AIMP2: variants seen among roughly 807,000 people sequenced by gnomAD.
AIMP2 encodes the protein aminoacyl tRNA synthetase complex interacting multifunctional protein 2.
Under a neutral mutation model 23.4 loss-of-function variants are expected in AIMP2, and 20 were observed. The ratio of observed to expected loss-of-function variants is 0.85; its 90% CI spans 0.60 to 1.24. The LOEUF is 1.24. AIMP2 is among the 50% of genes most tolerant of loss of function. The pLI is 0.00. For missense variants in AIMP2, 515 were observed against 414.5 expected, an observed-to-expected ratio of 1.24 and a Z score of -2.10; for synonymous variants, 210 against 170.4, an observed-to-expected ratio of 1.23 and a Z score of -1.81.
Position 6,017,796 on chromosome 7 carries a change from G to T in AIMP2, c.343-18G>T. 6.2e-7 allele frequency: 1 copy of T among 1,607,058 alleles called. No individual in the cohort carries two copies. Among genetic ancestry groups the T allele is most frequent in the African/African-American group, 1.3e-5 (1 of 74,796 alleles). ...CTCCGATGACTGTTATTCGTACATTGTCTTGGTCTTTCCCCAGGATTACGG... is the reference window on the plus strand; with the variant it reads ...CTCCGATGACTGTTATTCGTACATTTTCTTGGTCTTTCCCCAGGATTACGG... On this transcript the variant is annotated intron_variant, in intron 2 of 3. Transcript: ENST00000223029.
chr7:6,009,482 G>A lies in AIMP2; in HGVS notation c.119G>A (p.Gly40Asp), dbSNP rs747245459. The change falls in exon 1 of 4, where the codon GGC (glycine) becomes GAC (aspartate). Residue 40 changes from glycine (G) to aspartate (D), a missense_variant. Coordinates refer to ENST00000223029, the MANE Select transcript of AIMP2 (RefSeq NM_006303.4). ...GGCAGGAGCTACGGCCCAGCGCCGGGCGCTGGCCACGTGCAGGTAGGAGCG... is the reference window on the plus strand; with the variant it reads ...GGCAGGAGCTACGGCCCAGCGCCGGACGCTGGCCACGTGCAGGTAGGAGCG... ...VHGRSYGPAP[G>D]AGHVQEESNL... is the part of the protein sequence containing the mutation. 1 of 1,575,804 alleles carries A rather than the reference G, an allele frequency of 6.3e-7. No homozygotes were observed. Among genetic ancestry groups the A allele is most frequent in the African/African-American group, 1.4e-5 (1 of 72,372 alleles).
At chr7:6,011,725 G>C (rs1276776104) in intron 1 of AIMP2, among the ~76,000 whole-genome samples, 1 of 152,166 alleles carries the variant, frequency 6.6e-6, no homozygotes, top group East Asian at 1.9e-4. Context: ...AGAGAGTGCC[G>C]TGGAAACAGG....
In AIMP2 at chr7:6,009,949, CAAAA is replaced by C. The variant is rs1156596688; in HGVS notation, c.135+474_135+477del. Among the ~76,000 whole-genome samples, 16 of 22,472 alleles carry C rather than the reference CAAAA, an allele frequency of 7.1e-4. 1 individual carries two copies. The highest frequency in any genetic ancestry group is 4.2e-3 in the East Asian group (1 of 240). The allele number at this position is 22,472 out of a possible 152,430, so 14.7% of individuals were successfully genotyped here. On this transcript the variant is annotated intron_variant, in intron 1 of 3. Transcript: ENST00000223029. ...GGGCAACAAGAGCTAAACTCTATCT[CAAAA>C]AAAAAAAAAAAAAAAAAAAAAATAT...
intron 1 of AIMP2, among the ~76,000 whole-genome samples, chr7:6,009,777 C>A (rs1786426848): frequency 6.7e-6 from 1 of 150,202 alleles, no homozygotes; most frequent in Admixed American, 6.7e-5. Context: ...ATGGTAAAAC[C>A]TCGTCTCTAC....
At position 6,023,530 on chromosome 7, in the gene AIMP2, T is replaced by G. The variant is rs1189420601; in HGVS notation, c.802T>G (p.Trp268Gly). Residue 268 changes from tryptophan (W) to glycine (G), a missense_variant, in exon 4 of 4, where the codon TGG (tryptophan) becomes GGG (glycine). Transcript: ENST00000223029. ...SMNSALGKSP[W>G]LAGNELTVAD... ...GAACTCTGCTCTTGGGAAGAGCCCT[T>G]GGCTCGCTGGGAATGAACTCACCGT... 6.2e-7 allele frequency: 1 copy of G among 1,614,226 alleles called. No homozygotes were observed. Among genetic ancestry groups the G allele is most frequent in the Non-Finnish European group, 8.5e-7 (1 of 1,180,040 alleles).
At position 6,015,289 on chromosome 7, in the gene AIMP2, C is replaced by T; in HGVS notation, c.279C>T (p.Ile93=). 6.2e-7 allele frequency: 1 copy of T among 1,614,186 alleles called. No individual in the cohort carries two copies. Residue 93 remains isoleucine, a synonymous_variant, in exon 2 of 4, where the codon ATC becomes ATT. Coordinates refer to ENST00000223029, the MANE Select transcript of AIMP2 (RefSeq NM_006303.4). ...PDADLDVTNI[I]QADEPTTLTT... is the part of the protein sequence containing the mutation. ...CAGACTTGGATGTAACCAACATAAT[C>T]CAAGCGGATGAGCCCACGACTTTAA...
At chr7:6,020,368 C>T (rs1243791166) in intron 3 of AIMP2, among the ~76,000 whole-genome samples, 1 of 152,014 alleles carries the variant, frequency 6.6e-6, no homozygotes, top group Admixed American at 6.6e-5. Context: ...TTGCCGTGAG[C>T]CGAGATCACA....
At chr7:6,013,382 C>T (rs901874556) in intron 1 of AIMP2, among the ~76,000 whole-genome samples, 2 of 151,418 alleles carry the variant, frequency 1.3e-5, no homozygotes, top group Non-Finnish European at 2.9e-5. Context: ...CTGCCTCAGC[C>T]TCCTGAATAG....
At chr7:6,016,059 G>A (rs1001980452) in intron 2 of AIMP2, among the ~76,000 whole-genome samples, 6 of 152,164 alleles carry the variant, frequency 3.9e-5, no homozygotes, top group African/African-American at 1.4e-4. Flanking sequence ...TCTGATCACA[G>A]GCCAACTTTC....
Position 6,017,933 on chromosome 7 carries a change from G to T in AIMP2, c.462G>T (p.Thr154=), listed in dbSNP as rs61735883. ...EHFRVLSTVH[T]HSSVKSVPEN... is the part of the protein sequence containing the mutation. The stretch of plus-strand genomic sequence containing the variant: ...TCAGGGTCCTGTCCACGGTGCACAC[G>T]CACTCCTCGGTCAAGAGCGTGCCTG... Residue 154 remains threonine (T), a synonymous_variant, in exon 3 of 4, where the codon ACG becomes ACT. Coordinates refer to ENST00000223029, the MANE Select transcript of AIMP2 (RefSeq NM_006303.4). 1.5e-3 allele frequency: 2,349 copies of T among 1,613,938 alleles called. 29 individuals carry two copies. In the African/African-American group the frequency reaches 0.028, roughly 20 times the overall value.
intron 1 of AIMP2, among the ~76,000 whole-genome samples, chr7:6,014,230 A>C (rs1247645678): frequency 6.7e-6 from 1 of 148,798 alleles, no homozygotes; most frequent in African/African-American, 2.5e-5. Context: ...GCTTTTAGCC[A>C]CAACTTTTAT....
At chr7:6,020,212 G>A (rs1395589136) in intron 3 of AIMP2, among the ~76,000 whole-genome samples, 2 of 151,504 alleles carry the variant, frequency 1.3e-5, no homozygotes, top group Non-Finnish European at 2.9e-5. Flanking sequence ...CCTGAGATCA[G>A]GAGTTCAAGA....
At chr7:6,009,974 A>AAAATATAT in intron 1 of AIMP2, among the ~76,000 whole-genome samples, 1 of 26,672 alleles carries the variant, frequency 3.7e-5, no homozygotes, top group Non-Finnish European at 6.8e-5. Context: ...AAAAAAAAAA[A>AAAATATAT]ATATATATAT....
chr7:6,023,585 A>G lies in AIMP2; in HGVS notation c.857A>G (p.Gln286Arg), dbSNP rs758885310. ...VADVVLWSVL[Q>R]QIGGCSVTVP... Reference sequence around the variant, plus strand: ...GACGTGGTGCTGTGGTCTGTACTCCAGCAGATCGGAGGCTGCAGTGTGACA... The same window carrying G: ...GACGTGGTGCTGTGGTCTGTACTCCGGCAGATCGGAGGCTGCAGTGTGACA... The change falls in exon 4 of 4, where the codon CAG becomes CGG. Residue 286 changes from glutamine to arginine, a missense_variant. Coordinates refer to ENST00000223029, the MANE Select transcript of AIMP2 (RefSeq NM_006303.4). 4.6e-5 allele frequency: 74 copies of G among 1,614,234 alleles called. 6 individuals carry two copies. In the South Asian group the frequency reaches 7.9e-4, roughly 17 times the overall value.
At chr7:6,012,145 C>A (rs964984109) in intron 1 of AIMP2, among the ~76,000 whole-genome samples, 5 of 151,618 alleles carry the variant, frequency 3.3e-5, no homozygotes, top group Middle Eastern at 3.4e-3. Flanking sequence ...TCCAGCTACT[C>A]AGGAGGCTGA....
At chr7:6,020,081 A>T (rs1225256626) in intron 3 of AIMP2, among the ~76,000 whole-genome samples, 2 of 151,864 alleles carry the variant, frequency 1.3e-5, no homozygotes, top group African/African-American at 4.8e-5. Flanking sequence ...CAGGAGGTGC[A>T]AAAACCTTGC....
chr7:6,023,408 C>T lies in AIMP2; in HGVS notation c.680C>T (p.Ala227Val), dbSNP rs1310790068. The change falls in exon 4 of 4, where the codon GCT (alanine) becomes GTT (valine). Residue 227 changes from alanine to valine, a missense_variant. Physicochemically the swap from Ala to Val is moderately conservative, Grantham distance 64. Coordinates refer to ENST00000223029, the MANE Select transcript of AIMP2 (RefSeq NM_006303.4). Reference protein sequence around the residue: ...LFSLFGQKHNAVNATLIDSWV... With the variant: ...LFSLFGQKHNVVNATLIDSWV... ...TCTCTGTTTGGCCAGAAGCATAATG[C>T]TGTCAACGCAACCCTTATAGATAGC... The T allele has an allele frequency of 1.2e-6, 2 of 1,614,236 alleles. No individual in the cohort carries two copies. The highest frequency in any genetic ancestry group is 1.7e-5 in the Admixed American group (1 of 60,020).
chr7:6,017,360 T>TAA (rs1044602990), intron 2 of AIMP2, among the ~76,000 whole-genome samples: 1 of 142,138 alleles, frequency 7.0e-6, no homozygotes, highest in African/African-American at 2.6e-5. Flanking sequence ...TACTAAAAAT[T>TAA]AAAAAAAAAA....
chr7:6,020,730 C>G (rs1787343942), intron 3 of AIMP2, among the ~76,000 whole-genome samples: 1 of 152,178 alleles, frequency 6.6e-6, no homozygotes, highest in South Asian at 2.1e-4. Context: ...CCTGTGTCAA[C>G]AGGTTTTTAA....
Sources: allele counts gnomAD v4.1 joint callset (sites outside exome capture counted in the v4.1 genomes callset), GRCh38; gene constraint gnomAD v4.1.1; transcripts MANE v1.5; gene names NCBI Gene and HGNC (gene_info 2026-07-23, HGNC 2026-07-21).